The following DLG2 variants were observed in gnomAD, a reference collection of about 807,000 sequenced individuals.
The protein encoded by DLG2 is discs large MAGUK scaffold protein 2, also known as disks large homolog 2.
A neutral mutation model predicts 132.5 loss-of-function variants in DLG2; 45 were observed. That is an observed-to-expected ratio of 0.34 (90% confidence interval 0.27 to 0.44). The LOEUF is 0.44. Ranked by LOEUF, DLG2 falls within the 20% of genes least tolerant of loss-of-function variation. The probability of loss-of-function intolerance (pLI) is 1.00; values close to 1 mark genes in which losing one functional copy is unlikely to be tolerated. For missense variants in DLG2, 1,045 were observed against 1,196.9 expected (o/e 0.87, Z 1.87); for synonymous variants, 424 against 419.6 (o/e 1.01, Z -0.13).
At chr11:84,428,991 A>G (rs2098975832) in intron 7 of DLG2, among the ~76,000 whole-genome samples, 1 of 152,154 alleles carries the variant, frequency 6.6e-6, no homozygotes, top group Non-Finnish European at 1.5e-5. Flanking sequence ...GTGAGAAAGG[A>G]AGAGAACCAA....
At chr11:85,599,543 A>T (rs142345208) in intron 2 of DLG2, among the ~76,000 whole-genome samples, 90 of 152,264 alleles carry the variant, frequency 5.9e-4, no homozygotes, top group African/African-American at 2.1e-3. Context: ...TGTGACCTTT[A>T]ACACGTTCCT....
At chr11:83,682,653 G>C (rs940842849) in intron 18 of DLG2, among the ~76,000 whole-genome samples, 1 of 152,242 alleles carries the variant, frequency 6.6e-6, no homozygotes, top group East Asian at 1.9e-4. Flanking sequence ...CAGGGTTAAA[G>C]CTCTTAATAG....
At chr11:84,510,611 A>T (rs1201652666) in intron 7 of DLG2, among the ~76,000 whole-genome samples, 1 of 152,218 alleles carries the variant, frequency 6.6e-6, no homozygotes, top group Non-Finnish European at 1.5e-5. Context: ...AATAGTATCC[A>T]AATGTATGTA....
chr11:84,305,558 T>C (rs1249413225), intron 7 of DLG2, among the ~76,000 whole-genome samples: 2 of 152,164 alleles, frequency 1.3e-5, no homozygotes, highest in East Asian at 3.9e-4. Context: ...ATGTTTAATG[T>C]CAAAATAGGG....
intron 6 of DLG2, among the ~76,000 whole-genome samples, chr11:84,673,018 TA>T (rs767838860): frequency 6.6e-6 from 1 of 151,932 alleles, no homozygotes; most frequent in Non-Finnish European, 1.5e-5. Context: ...TAACCAGACT[TA>T]ACGAGAACTC....
chr11:84,539,013 A>G (rs1184116108), intron 6 of DLG2, among the ~76,000 whole-genome samples: 2 of 152,142 alleles, frequency 1.3e-5, no homozygotes, highest in Non-Finnish European at 2.9e-5. Context: ...CTGATTTATA[A>G]CACTAGGATT....
At chr11:84,135,741 A>G (rs1347678119) in intron 9 of DLG2, among the ~76,000 whole-genome samples, 1 of 152,156 alleles carries the variant, frequency 6.6e-6, no homozygotes, top group Non-Finnish European at 1.5e-5. Flanking sequence ...GAGGTCGAAC[A>G]TGTAAGGCTT....
intron 18 of DLG2, among the ~76,000 whole-genome samples, chr11:83,741,796 C>G (rs1593431525): frequency 6.6e-6 from 1 of 151,814 alleles, no homozygotes; most frequent in East Asian, 1.9e-4. Flanking sequence ...ATCATGAGAT[C>G]AGGAGAAAGA....
intron 15 of DLG2, among the ~76,000 whole-genome samples, chr11:83,876,264 T>A (rs1336679596): frequency 2.0e-5 from 3 of 152,130 alleles, no homozygotes; most frequent in African/African-American, 7.2e-5. Flanking sequence ...TAAGCATTTG[T>A]TAAATAAATA....
At chr11:83,772,145 T>C (rs1417802773) in intron 18 of DLG2, among the ~76,000 whole-genome samples, 1 of 152,094 alleles carries the variant, frequency 6.6e-6, no homozygotes, top group Non-Finnish European at 1.5e-5. Context: ...CGGTGGCTCA[T>C]GCCTGTAATC....
At chr11:85,487,087 A>T (rs1158647767) in intron 3 of DLG2, among the ~76,000 whole-genome samples, 1 of 151,820 alleles carries the variant, frequency 6.6e-6, no homozygotes, top group African/African-American at 2.4e-5. Context: ...CAGGCCCCAA[A>T]ATCAAAGCCA....
chr11:85,470,856 C>A (rs924867943), intron 3 of DLG2, among the ~76,000 whole-genome samples: 1 of 152,162 alleles, frequency 6.6e-6, no homozygotes, highest in African/African-American at 2.4e-5. Context: ...AGTGAGAGGA[C>A]TTTTTAGAGA....
Position 85,343,749 on chromosome 11 carries a change from C to T in DLG2, c.41-58384G>A, listed in dbSNP as rs556302566. On this transcript the variant is annotated intron_variant, in intron 3 of 27. Transcript: ENST00000376104. ...GATGATGTATGGTTTTTGAGGAAGG[C>T]GGAACCTGATAGAGCAGCGAGGAAA... Among the ~76,000 whole-genome samples, 37 of 152,066 alleles carry T rather than the reference C, an allele frequency of 2.4e-4. No individual in the cohort carries two copies. In the South Asian group the frequency reaches 7.1e-3, roughly 29 times the overall value.
intron 6 of DLG2, among the ~76,000 whole-genome samples, chr11:85,051,221 G>A (rs192514887): frequency 5.9e-5 from 9 of 152,226 alleles, no homozygotes; most frequent in Admixed American, 5.9e-4. Flanking sequence ...ATTCTTACCA[G>A]TTTCAGTCCA....
At chr11:85,201,547 C>T (rs1313290106) in intron 4 of DLG2, among the ~76,000 whole-genome samples, 1 of 152,184 alleles carries the variant, frequency 6.6e-6, no homozygotes, top group Non-Finnish European at 1.5e-5. Context: ...CCCTTTAGTA[C>T]TGGGGTAGCT....
intron 6 of DLG2, among the ~76,000 whole-genome samples, chr11:85,056,118 A>G (rs553164003): frequency 2.4e-4 from 37 of 152,184 alleles, no homozygotes; most frequent in African/African-American, 8.9e-4. Flanking sequence ...ATAAAAGAAA[A>G]AACAGAACAG....
At chr11:85,503,974 T>C (rs1301415409) in intron 3 of DLG2, among the ~76,000 whole-genome samples, 7 of 152,058 alleles carry the variant, frequency 4.6e-5, no homozygotes, top group Non-Finnish European at 5.9e-5. Context: ...ATGATGAGCA[T>C]TTTGTCATGT....
chr11:84,236,804 T>G (rs2097163561), intron 8 of DLG2, among the ~76,000 whole-genome samples: 1 of 152,252 alleles, frequency 6.6e-6, no homozygotes, highest in Non-Finnish European at 1.5e-5. Flanking sequence ...AACTAGATGC[T>G]TTAACTTAGT....
intron 6 of DLG2, among the ~76,000 whole-genome samples, chr11:84,836,817 AG>A (rs2079849166): frequency 6.6e-6 from 1 of 151,884 alleles, no homozygotes; most frequent in Non-Finnish European, 1.5e-5. Context: ...TACCATAAAC[AG>A]GGCTCTCAAA....
Sources: gnomAD v4.1 joint callset for allele counts (sites outside exome capture counted in the v4.1 genomes callset) on GRCh38, gnomAD v4.1.1 for gene constraint, MANE v1.5 for transcripts, NCBI Gene and HGNC (gene_info 2026-07-23, HGNC 2026-07-21) for gene names.